Variants in RRBP1 observed in about 807,000 individuals in gnomAD.
The protein encoded by RRBP1 is ribosome binding protein 1, also known as ribosome-binding protein 1.
A neutral mutation model predicts 165.2 loss-of-function variants in RRBP1; 94 were observed. That is an observed-to-expected ratio of 0.57 (90% CI 0.48 to 0.68). The LOEUF is 0.68. RRBP1 is among the 30% of genes least tolerant of loss of function. The probability of loss-of-function intolerance (pLI) is 0.00; values close to 1 mark genes in which losing one functional copy is unlikely to be tolerated. For synonymous variants in RRBP1, 680 were observed against 714.5 expected (o/e 0.95, Z 0.77); for missense variants, 1,676 against 1,763.0 (o/e 0.95, Z 0.88).
At chr20:17,614,624 C>G in intron 24 of RRBP1, 113 bp downstream of exon 24, 1 of 1,371,320 alleles carries the variant, frequency 7.3e-7, no homozygotes, top group Non-Finnish European at 9.9e-7. Flanking sequence ...GCTCCCAGCC[C>G]AGCGCTCCCA....
chr20:17,626,510 G>A lies in RRBP1; in HGVS notation c.2963+838C>T, dbSNP rs180750971. On this transcript the variant is annotated intron_variant, in intron 11 of 24. Coordinates refer to ENST00000377813, the MANE Select transcript of RRBP1 (RefSeq NM_001365613.2). ...CTGCCTCTGCTGAGAGGCACACAGG[G>A]AGGTGCTTCTTTGGTGACGAGGGTC... Among the ~76,000 whole-genome samples, 3 of 152,348 alleles carry A rather than the reference G, an allele frequency of 2.0e-5. No homozygotes were observed. The East Asian group carries it at 5.8e-4, about 29-fold the overall frequency.
chr20:17,657,870 C>T (rs1268661415), intron 3 of RRBP1, among the ~76,000 whole-genome samples: 1 of 152,184 alleles, frequency 6.6e-6, no homozygotes, highest in Non-Finnish European at 1.5e-5. Context: ...AATGCAACTG[C>T]TCCTTAAAAA....
At chr20:17,619,750 C>G in intron 18 of RRBP1, 22 bp from the exon 19 acceptor site, 3 of 1,558,626 alleles carry the variant, frequency 1.9e-6, no homozygotes, top group South Asian at 1.2e-5. Context: ...CACAGACACG[C>G]ACACGCATGC....
At chr20:17,653,491 A>C (rs2036594631) in intron 3 of RRBP1, among the ~76,000 whole-genome samples, 1 of 152,262 alleles carries the variant, frequency 6.6e-6, no homozygotes, top group Non-Finnish European at 1.5e-5. Flanking sequence ...GAATAAGCAG[A>C]CTGTGACGGA....
At chr20:17,653,606 C>T (rs900424723) in intron 3 of RRBP1, among the ~76,000 whole-genome samples, 16 of 152,268 alleles carry the variant, frequency 1.1e-4, no homozygotes, top group Admixed American at 2.6e-4. Context: ...GAGGCCAAGG[C>T]GGGTGGATCA....
At chr20:17,670,262 C>T (rs185671984) in intron 2 of RRBP1, among the ~76,000 whole-genome samples, 172 of 152,168 alleles carry the variant, frequency 1.1e-3, no homozygotes, top group African/African-American at 4.0e-3. Flanking sequence ...TAGGATAAAA[C>T]GATTTAGTCA....
chr20:17,625,466 G>A (rs1409288669), intron 12 of RRBP1, 46 bp downstream of exon 12: 2 of 1,555,264 alleles, frequency 1.3e-6, no homozygotes, highest in South Asian at 1.1e-5. Context: ...GGCCCCACCT[G>A]TGCTTCCCTG....
rs144713154 is a variant in RRBP1 at position 17,636,652 on chromosome 20, C to G, written c.2262G>C (p.Glu754Asp). ...GCATGCGTGCCTGCACAGCCGTGAT[C>G]TCCTGCTCCCGGGCCACCAGCTGCT... ...VKKQLVAREQEITAVQARMQA... is the reference protein window; with the variant it reads ...VKKQLVAREQDITAVQARMQA... The change falls in exon 6 of 25, where the codon GAG (glutamate) becomes GAC (aspartate). Residue 754 changes from glutamate (E) to aspartate (D), a missense_variant. This residue lies in a region of RRBP1 where 1,184 missense variants were observed against 1,167.1 expected (regional missense o/e 1.01). Coordinates refer to ENST00000377813, the MANE Select transcript of RRBP1 (RefSeq NM_001365613.2). The G allele has an allele frequency of 2.7e-4, 437 of 1,613,342 alleles. 1 individual carries two copies. Among genetic ancestry groups the G allele is most frequent in the Non-Finnish European group, 9.2e-5 (109 of 1,180,038 alleles).
At chr20:17,622,011 G>A (rs1006055543) in intron 13 of RRBP1, 64 bp from the exon 14 acceptor site, 26 of 1,221,726 alleles carry the variant, frequency 2.1e-5, no homozygotes, top group Non-Finnish European at 3.1e-5. Flanking sequence ...ACCTCCCCAG[G>A]TCTTTACTGA....
At chr20:17,679,608 A>G (rs563621175) in intron 2 of RRBP1, among the ~76,000 whole-genome samples, 2 of 152,302 alleles carry the variant, frequency 1.3e-5, no homozygotes, top group South Asian at 4.1e-4. Flanking sequence ...CAATACTCCA[A>G]TTCAATCACT....
chr20:17,664,241 G>A (rs1161735091), intron 2 of RRBP1, among the ~76,000 whole-genome samples: 4 of 152,188 alleles, frequency 2.6e-5, no homozygotes, highest in Admixed American at 1.3e-4. Flanking sequence ...ACCAAGTGAC[G>A]CACAGGCAGG....
chr20:17,668,574 G>C (rs1056859647), intron 2 of RRBP1, among the ~76,000 whole-genome samples: 4 of 152,220 alleles, frequency 2.6e-5, no homozygotes, highest in Non-Finnish European at 4.4e-5. Flanking sequence ...AGGAGACTGT[G>C]TCTCCCTTGC....
At chr20:17,631,250 C>G (rs947784866) in intron 8 of RRBP1, among the ~76,000 whole-genome samples, 1 of 152,272 alleles carries the variant, frequency 6.6e-6, no homozygotes, top group South Asian at 2.1e-4. Context: ...ACACCTCTGC[C>G]TCGACCAGGA....
chr20:17,616,776 C>G lies in RRBP1; in HGVS notation c.3823G>C (p.Ala1275Pro). The change falls in exon 21 of 25, where the codon GCT becomes CCT. Residue 1275 changes from alanine (A) to proline (P), a missense_variant. Physicochemically the swap from Ala to Pro is conservative, Grantham distance 27 (BLOSUM62 -1). This residue lies in a region of RRBP1 where 1,184 missense variants were observed against 1,167.1 expected (regional missense o/e 1.01). Coordinates refer to ENST00000377813, the MANE Select transcript of RRBP1 (RefSeq NM_001365613.2). Reference protein sequence around the residue: ...VEDGDIAGAPASSPEAPPAEQ... With the variant: ...VEDGDIAGAPPSSPEAPPAEQ... ...GCTGGGGGCGCCTCTGGGGAGGAAG[C>G]TGGGGCCCCAGCTATGTCACCATCC... 1 of 1,612,796 alleles carries G rather than the reference C, an allele frequency of 6.2e-7. No homozygotes were observed. The highest frequency in any genetic ancestry group is 8.5e-7 in the Non-Finnish European group (1 of 1,179,594).
intron 4 of RRBP1, 21 bp downstream of exon 4, chr20:17,642,958 C>T (rs767750008): frequency 6.2e-7 from 1 of 1,610,234 alleles, no homozygotes; most frequent in Non-Finnish European, 8.5e-7. Flanking sequence ...CTGAGCATGG[C>T]CAGCAGGAGG....
chr20:17,617,435 TG>T (rs1366399996), intron 20 of RRBP1, among the ~76,000 whole-genome samples: 7 of 152,150 alleles, frequency 4.6e-5, no homozygotes, highest in African/African-American at 1.7e-4. Flanking sequence ...CCAGGGAACA[TG>T]GGCGGTCTCT....
chr20:17,626,779 G>A (rs1469158959), intron 11 of RRBP1, among the ~76,000 whole-genome samples: 1 of 152,154 alleles, frequency 6.6e-6, no homozygotes, highest in East Asian at 1.9e-4. Context: ...CTTAGCAACA[G>A]CAAATAAACA....
In RRBP1 at chr20:17,672,430, C is replaced by T. The variant is rs548719095; in HGVS notation, c.-22+7569G>A. Among the ~76,000 whole-genome samples, 9 of 152,352 alleles carry T rather than the reference C, an allele frequency of 5.9e-5. No individual in the cohort carries two copies. In the East Asian group the frequency reaches 1.7e-3, roughly 29 times the overall value. ...ACGAATTCTGCCAGCCTAACATCCT[C>T]TCTCTGTGACAGCGGAGAACTTCAG... On this transcript the variant is annotated intron_variant, in intron 2 of 24. Transcript: ENST00000377813.
chr20:17,640,593 C>T (rs576625746), intron 5 of RRBP1, among the ~76,000 whole-genome samples: 29 of 152,262 alleles, frequency 1.9e-4, no homozygotes, highest in South Asian at 6.2e-4. Flanking sequence ...AGGGAGGCCA[C>T]GCACCGTTAA....
Sources: gnomAD v4.1 joint callset for allele counts (sites outside exome capture counted in the v4.1 genomes callset) on GRCh38, gnomAD v4.1.1 for gene constraint, gnomAD v4.1.1 regional missense constraint, MANE v1.5 for transcripts, NCBI Gene and HGNC (gene_info 2026-07-23, HGNC 2026-07-21) for gene names.